The following PBX1 variants were observed in gnomAD, a reference collection of about 807,000 sequenced individuals.
PBX1 encodes the protein pre-B-cell leukemia transcription factor 1.
PBX1 carries 6 observed loss-of-function variants against 53.4 expected under a neutral mutation model. That is an observed-to-expected ratio of 0.11 (90% CI 0.06 to 0.22). The LOEUF is 0.22. Among genes scored for constraint, PBX1 ranks in the 10% least tolerant of loss-of-function variants. PBX1 has a pLI of 1.00. For missense variants in PBX1, 251 were observed against 551.4 expected, an observed-to-expected ratio of 0.46 and a Z score of 5.46; for synonymous variants, 204 against 212.3, an observed-to-expected ratio of 0.96 and a Z score of 0.34.
At chr1:164,635,409 G>A (rs957440197) in intron 2 of PBX1, among the ~76,000 whole-genome samples, 1 of 152,198 alleles carries the variant, frequency 6.6e-6, no homozygotes, top group Non-Finnish European at 1.5e-5. Flanking sequence ...GTGCGACTTA[G>A]TAAAAATGAC....
At chr1:164,589,726 C>G (rs1178206736) in intron 2 of PBX1, among the ~76,000 whole-genome samples, 1 of 152,162 alleles carries the variant, frequency 6.6e-6, no homozygotes, top group Non-Finnish European at 1.5e-5. Flanking sequence ...GGGAAGGAGA[C>G]TGACAAATAC....
chr1:164,799,984 C>A, intron 4 of PBX1, 95 bp downstream of exon 4: 2 of 1,159,498 alleles, frequency 1.7e-6, no homozygotes, highest in Non-Finnish European at 2.4e-6. Context: ...CTAGTTTCAC[C>A]CCATCAACGC....
chr1:164,725,991 G>T (rs775172559), intron 2 of PBX1, among the ~76,000 whole-genome samples: 1 of 152,158 alleles, frequency 6.6e-6, no homozygotes, highest in African/African-American at 2.4e-5. Flanking sequence ...TTCTTCTCTT[G>T]TGTTCAACTG....
intron 2 of PBX1, among the ~76,000 whole-genome samples, chr1:164,860,543 A>G (rs1029981147): frequency 1.3e-5 from 2 of 152,052 alleles, no homozygotes; most frequent in Admixed American, 1.3e-4. Context: ...ACCTTTGCTC[A>G]TGATGCCATG....
rs146251267 is a variant in PBX1, at chr1:164,700,148, G to A, written c.266-92346G>A. 2.2e-3 allele frequency among the ~76,000 whole-genome samples: 340 copies of A among 152,322 alleles called. 1 individual carries two copies. The highest frequency in any genetic ancestry group is 0.014 in the Middle Eastern group (4 of 294). On this transcript the variant is annotated intron_variant, in intron 2 of 8. Transcript: ENST00000420696. ...TTGGCATGCTGATTTCCCTTTGTGG[G>A]TTCCAGGGCTTTTCGCTGGGTCCCT...
intron 2 of PBX1, among the ~76,000 whole-genome samples, chr1:164,689,346 C>T (rs562152514): frequency 7.4e-5 from 11 of 148,362 alleles, no homozygotes; most frequent in Admixed American, 2.0e-4. Flanking sequence ...TTTTTTTTTC[C>T]TCCAGAATAA....
At chr1:164,574,321 G>A (rs1223332919) in intron 2 of PBX1, among the ~76,000 whole-genome samples, 2 of 152,196 alleles carry the variant, frequency 1.3e-5, no homozygotes, top group Non-Finnish European at 2.9e-5. Flanking sequence ...ACCCTCTGCA[G>A]CCTCACACTG....
intron 2 of PBX1, among the ~76,000 whole-genome samples, chr1:164,621,800 C>T (rs190683768): frequency 1.7e-4 from 26 of 152,236 alleles, no homozygotes; most frequent in Admixed American, 1.7e-3. Context: ...GAGGATGATT[C>T]CTGAGTCTGC....
intron 2 of PBX1, among the ~76,000 whole-genome samples, chr1:164,633,370 G>A (rs910973150): frequency 2.6e-5 from 4 of 151,998 alleles, no homozygotes; most frequent in East Asian, 1.9e-4. Context: ...GGCTGGTCTC[G>A]AACTCCTGAC....
At chr1:164,882,214 T>C (rs1028725453) in intron 2 of PBX1, among the ~76,000 whole-genome samples, 2 of 152,202 alleles carry the variant, frequency 1.3e-5, no homozygotes, top group East Asian at 3.9e-4. Flanking sequence ...GGCTGGAGCC[T>C]AGGCCTCTAA....
At position 164,737,984 on chromosome 1, in the gene PBX1, A is replaced by G. The variant is rs79522246; in HGVS notation, c.266-54510A>G. Among the ~76,000 whole-genome samples, 245 of 152,256 alleles carry G rather than the reference A, an allele frequency of 1.6e-3. 5 individuals are homozygous for G. The East Asian group carries it at 0.043, about 27-fold the overall frequency. On this transcript the variant is annotated intron_variant, in intron 2 of 8. Coordinates refer to ENST00000420696, the MANE Select transcript of PBX1 (RefSeq NM_002585.4). ...AATTTCATTCTTTAAATGAAATTAT[A>G]TGGAATATAGTTGTGTCATGCTTCA... is the stretch of plus-strand genomic sequence containing the variant.
At chr1:164,671,452 A>G (rs1661106351) in intron 2 of PBX1, among the ~76,000 whole-genome samples, 1 of 152,146 alleles carries the variant, frequency 6.6e-6, no homozygotes, top group South Asian at 2.1e-4. Context: ...GAGTGCATGC[A>G]TGTGCATACA....
At chr1:164,778,219 CTT>C (rs561257210) in intron 2 of PBX1, among the ~76,000 whole-genome samples, 64 of 152,282 alleles carry the variant, frequency 4.2e-4, no homozygotes, top group Non-Finnish European at 7.3e-4. Context: ...AACTGGGTAA[CTT>C]TTGTTTCACT....
intron 2 of PBX1, among the ~76,000 whole-genome samples, chr1:164,880,198 AAGCACATGTTGGGCACC>A (rs1672614050): frequency 6.6e-6 from 1 of 152,210 alleles, no homozygotes; most frequent in Admixed American, 6.5e-5. Context: ...TTCCGTCAAC[AAGCACATGTTGGGCACC>A]TTCTGTGTGG....
intron 2 of PBX1, among the ~76,000 whole-genome samples, chr1:164,656,604 G>A (rs1440135722): frequency 6.6e-6 from 1 of 152,008 alleles, no homozygotes; most frequent in African/African-American, 2.4e-5. Flanking sequence ...CACATGGTGT[G>A]CATTTGATGC....
At chr1:164,823,618 G>C (rs552432411) in intron 8 of PBX1, among the ~76,000 whole-genome samples, 8 of 82,488 alleles carry the variant, frequency 9.7e-5, no homozygotes, top group Admixed American at 2.3e-4. Flanking sequence ...TCTGGGGGGT[G>C]GGGGGGGGGG....
rs368225679 is a variant in PBX1, at chr1:164,775,136, G to A, written c.266-17358G>A. ...TGGGAGGGGTGAGAAGTGGAGTGTT[G>A]ATTACAGCTGTTTTTCTCTCAACCT... On this transcript the variant is annotated intron_variant, in intron 2 of 8. Transcript: ENST00000420696. Among the ~76,000 whole-genome samples, 217 of 152,324 alleles carry A rather than the reference G, an allele frequency of 1.4e-3. No homozygotes were observed. The Middle Eastern group carries it at 0.02, about 14-fold the overall frequency.
At chr1:164,854,752 T>C (rs1380897842), downstream of PBX1, among the ~76,000 whole-genome samples, 1 of 152,154 alleles carries the variant, frequency 6.6e-6, no homozygotes, top group Admixed American at 6.5e-5. Context: ...GGAGAATCAT[T>C]GTCCTTGTAT....
In PBX1 at chr1:164,559,975, G is replaced by T; in HGVS notation, c.153G>T (p.Met51Ile). 1 of 1,500,374 alleles carries T rather than the reference G, an allele frequency of 6.7e-7. No homozygotes were observed. Among genetic ancestry groups the T allele is most frequent in the South Asian group, 1.3e-5 (1 of 77,902 alleles). 92.9% of individuals were successfully genotyped at this position (1,500,374 alleles called of 1,614,324 possible). ...QDIGDILQQIMTITDQSLDEA... is the reference protein window; with the variant it reads ...QDIGDILQQIITITDQSLDEA... ...TTGGAGACATTTTACAGCAAATTAT[G>T]ACCATCACAGACCAGAGTTTGGATG... is the stretch of plus-strand genomic sequence containing the variant. Residue 51 changes from methionine (M) to isoleucine (I), a missense_variant, in exon 1 of 9, where the codon ATG (methionine) becomes ATT (isoleucine). By Grantham distance (10) the Met-to-Ile change is conservative (BLOSUM62 1). Around this residue, in one of 4 missense-constraint regions of PBX1, gnomAD observed 63 missense variants for 78.7 expected, o/e 0.80. Transcript: ENST00000420696.
Sources: gnomAD v4.1 joint callset for allele counts (sites outside exome capture counted in the v4.1 genomes callset) on GRCh38, gnomAD v4.1.1 for gene constraint, gnomAD v4.1.1 regional missense constraint, MANE v1.5 for transcripts, NCBI Gene and HGNC (gene_info 2026-07-23, HGNC 2026-07-21) for gene names.